AUTS2: variants seen among roughly 807,000 people sequenced by gnomAD.
The protein encoded by AUTS2 is autism susceptibility gene 2 protein.
In AUTS2, 17 loss-of-function variants were observed where a neutral mutation model predicts 112.4. That is an observed-to-expected ratio of 0.15 (90% confidence interval 0.10 to 0.23). The LOEUF is 0.23. Among genes scored for constraint, AUTS2 ranks in the 10% least tolerant of loss-of-function variants. The probability of loss-of-function intolerance (pLI) is 1.00; values close to 1 mark genes in which losing one functional copy is unlikely to be tolerated. For synonymous variants in AUTS2, 751 were observed against 702.7 expected (o/e 1.07, Z -1.09); for missense variants, 1,510 against 1,701.6 (o/e 0.89, Z 1.98).
chr7:70,638,577 C>G (rs1451214111), intron 5 of AUTS2, among the ~76,000 whole-genome samples: 1 of 152,104 alleles, frequency 6.6e-6, no homozygotes, highest in African/African-American at 2.4e-5. Context: ...TTGTAGTTAA[C>G]CTCCATAAAG....
chr7:70,298,449 C>T (rs1789048979), intron 4 of AUTS2, among the ~76,000 whole-genome samples: 1 of 152,156 alleles, frequency 6.6e-6, no homozygotes. Context: ...CCTTTCAGTA[C>T]TTTAACCCTG....
At chr7:70,786,945 T>G (rs1482507150) in intron 17 of AUTS2, 2 of 544,460 alleles carry the variant, frequency 3.7e-6, no homozygotes, top group Non-Finnish European at 3.3e-6. Context: ...CAGTACCCAT[T>G]TGGTCCCTTT....
At chr7:70,132,949 T>G (rs1157684584) in intron 3 of AUTS2, among the ~76,000 whole-genome samples, 1 of 152,200 alleles carries the variant, frequency 6.6e-6, no homozygotes, top group Non-Finnish European at 1.5e-5. Flanking sequence ...TTTTGCTTTC[T>G]TCTGCTGCTG....
intron 5 of AUTS2, among the ~76,000 whole-genome samples, chr7:70,688,321 C>G (rs1808572168): frequency 6.6e-6 from 1 of 152,064 alleles, no homozygotes; most frequent in African/African-American, 2.4e-5. Flanking sequence ...ATTCTATCCA[C>G]AAGAAACCAG....
chr7:70,560,990 T>C (rs1801463027), intron 5 of AUTS2, among the ~76,000 whole-genome samples: 1 of 152,220 alleles, frequency 6.6e-6, no homozygotes, highest in Admixed American at 6.5e-5. Context: ...CTTTTTACTT[T>C]AGACAAATAT....
chr7:70,244,821 A>T (rs1200691312), intron 4 of AUTS2, among the ~76,000 whole-genome samples: 1 of 152,146 alleles, frequency 6.6e-6, no homozygotes, highest in African/African-American at 2.4e-5. Flanking sequence ...CTTAACTGAT[A>T]AAAGTAAGTG....
At chr7:70,445,292 G>C (rs759729997) in intron 5 of AUTS2, among the ~76,000 whole-genome samples, 1 of 152,100 alleles carries the variant, frequency 6.6e-6, no homozygotes, top group Non-Finnish European at 1.5e-5. Flanking sequence ...TTCCCATGCC[G>C]TGCTGCTTCC....
rs565687990 is a variant in AUTS2 at position 70,028,064 on chromosome 7, G to GC, written c.523-90060dup. On this transcript the variant is annotated intron_variant, in intron 2 of 18. Coordinates refer to ENST00000342771, the MANE Select transcript of AUTS2 (RefSeq NM_015570.4). ...GTTCATATTCTTTCCCGCTCTGTCC[G>GC]CCCCCCCCACCCTCATCTTGCTTGC... Among the ~76,000 whole-genome samples the GC allele has an allele frequency of 2.2e-3, 332 of 150,176 alleles. 2 individuals carry two copies. Among genetic ancestry groups the GC allele is most frequent in the Middle Eastern group, 6.9e-3 (2 of 290 alleles).
intron 4 of AUTS2, among the ~76,000 whole-genome samples, chr7:70,413,736 G>T (rs570356755): frequency 3.3e-5 from 5 of 152,196 alleles, no homozygotes; most frequent in African/African-American, 1.2e-4. Flanking sequence ...GGAGGGCAGT[G>T]GCGTGATCTC....
chr7:70,474,536 G>A (rs1481555409), intron 5 of AUTS2, among the ~76,000 whole-genome samples: 1 of 152,138 alleles, frequency 6.6e-6, no homozygotes, highest in Non-Finnish European at 1.5e-5. Flanking sequence ...AGTCTTTATT[G>A]TACCAGTCTT....
intron 4 of AUTS2, among the ~76,000 whole-genome samples, chr7:70,142,124 T>C (rs1169246131): frequency 6.6e-6 from 1 of 152,236 alleles, no homozygotes; most frequent in Non-Finnish European, 1.5e-5. Flanking sequence ...CAGGAATCTT[T>C]GACATTGCTG....
At chr7:69,649,420 A>C (rs186799887) in intron 1 of AUTS2, among the ~76,000 whole-genome samples, 1 of 151,790 alleles carries the variant, frequency 6.6e-6, no homozygotes, top group Admixed American at 6.6e-5. Flanking sequence ...CTGTTCCTTA[A>C]CTCTTAAAGA....
chr7:70,268,217 C>A (rs1423466781), intron 4 of AUTS2, among the ~76,000 whole-genome samples: 8 of 152,136 alleles, frequency 5.3e-5, no homozygotes, highest in Non-Finnish European at 1.0e-4. Flanking sequence ...CCTCATATAG[C>A]ACCTCTAACA....
intron 4 of AUTS2, among the ~76,000 whole-genome samples, chr7:70,250,848 C>T (rs142773695): frequency 3.4e-4 from 51 of 152,184 alleles, no homozygotes; most frequent in Non-Finnish European, 6.3e-4. Context: ...GAATAACAGA[C>T]ACTGGGGCCT....
At chr7:69,997,114 AAACTAT>A (rs1204370072) in intron 2 of AUTS2, among the ~76,000 whole-genome samples, 5 of 152,168 alleles carry the variant, frequency 3.3e-5, no homozygotes, top group African/African-American at 1.2e-4. Flanking sequence ...TTAAGGTCTG[AAACTAT>A]AACTATTAAG....
At chr7:69,823,889 T>G (rs549264911) in intron 1 of AUTS2, among the ~76,000 whole-genome samples, 1 of 152,294 alleles carries the variant, frequency 6.6e-6, no homozygotes, top group African/African-American at 2.4e-5. Flanking sequence ...TGTTAGATAC[T>G]TTGAGAGAAA....
intron 4 of AUTS2, among the ~76,000 whole-genome samples, chr7:70,203,455 A>C (rs1810407767): frequency 6.6e-6 from 1 of 151,446 alleles, no homozygotes; most frequent in Non-Finnish European, 1.5e-5. Context: ...AATAAGCTTA[A>C]AATTTTGAAT....
At chr7:69,953,296 A>G (rs949075673) in intron 2 of AUTS2, among the ~76,000 whole-genome samples, 1 of 152,018 alleles carries the variant, frequency 6.6e-6, no homozygotes, top group South Asian at 2.1e-4. Flanking sequence ...TCCCATTATC[A>G]CTGTGTCCCC....
intron 1 of AUTS2, among the ~76,000 whole-genome samples, chr7:69,647,120 A>G (rs1386465234): frequency 1.3e-5 from 2 of 152,130 alleles, no homozygotes; most frequent in Non-Finnish European, 2.9e-5. Context: ...AAAACAAAGC[A>G]TAGTGACCTT....
Sources: allele counts gnomAD v4.1 joint callset (sites outside exome capture counted in the v4.1 genomes callset), GRCh38; gene constraint gnomAD v4.1.1; transcripts MANE v1.5; gene names NCBI Gene and HGNC (gene_info 2026-07-23, HGNC 2026-07-21).